HEATR4: variants seen among roughly 807,000 people sequenced by gnomAD.
The protein encoded by HEATR4 is HEAT repeat containing 4.
Under a neutral mutation model 108.8 loss-of-function variants are expected in HEATR4, and 95 were observed. That is an observed-to-expected ratio of 0.87 (90% CI 0.74 to 1.04). The LOEUF is 1.04. Ranked by LOEUF, HEATR4 falls within the 50% of genes least tolerant of loss-of-function variation. HEATR4 has a pLI of 0.00. For synonymous variants in HEATR4, 443 were observed against 459.4 expected (o/e 0.96, Z 0.46); for missense variants, 1,152 against 1,253.8 (o/e 0.92, Z 1.23).
chr14:73,563,438 T>C (rs1889558516), upstream of HEATR4, among the ~76,000 whole-genome samples: 1 of 151,372 alleles, frequency 6.6e-6, no homozygotes, highest in African/African-American at 2.4e-5. Flanking sequence ...CTACTAAAAA[T>C]AGAAAAATTA....
intron 4 of HEATR4, among the ~76,000 whole-genome samples, chr14:73,519,444 C>T (rs1424943563): frequency 6.6e-6 from 1 of 152,106 alleles, no homozygotes; most frequent in Non-Finnish European, 1.5e-5. Context: ...TGGTGATTTC[C>T]TTCCTAAGGC....
chr14:73,630,056 TA>T, the HEATR4 span, among the ~76,000 whole-genome samples: 19 of 149,066 alleles, frequency 1.3e-4, no homozygotes, highest in East Asian at 1.6e-3. Flanking sequence ...CAAAAAAATT[TA>T]AAAAAAAAAG....
chr14:73,623,846 CCT>C, the HEATR4 span, among the ~76,000 whole-genome samples: 2 of 151,990 alleles, frequency 1.3e-5, no homozygotes, highest in African/African-American at 4.8e-5. Flanking sequence ...ACTTCCTTCC[CCT>C]CTTTCCTGCT....
chr14:73,564,465 G>A, the HEATR4 span, among the ~76,000 whole-genome samples: 1 of 151,540 alleles, frequency 6.6e-6, no homozygotes, highest in Non-Finnish European at 1.5e-5. Flanking sequence ...AATTAGCCAG[G>A]TGTGGTGGTG....
chr14:73,587,836 ACTG>A, the HEATR4 span, among the ~76,000 whole-genome samples: 1 of 152,240 alleles, frequency 6.6e-6, no homozygotes. Context: ...GCAGCAAAAT[ACTG>A]CTAATGCGCT....
chr14:73,563,464 G>A (rs1252546060), upstream of HEATR4, among the ~76,000 whole-genome samples: 2 of 151,908 alleles, frequency 1.3e-5, no homozygotes, highest in African/African-American at 4.8e-5. Context: ...GTGTGGTGGT[G>A]CGTGCCTGTA....
intron 17 of HEATR4, chr14:73,491,608 C>G: frequency 6.5e-7 from 1 of 1,547,104 alleles, no homozygotes; most frequent in Non-Finnish European, 8.7e-7. Context: ...GCATCCCCAG[C>G]AGCCGGCGGC....
intron 17 of HEATR4, among the ~76,000 whole-genome samples, chr14:73,482,081 GA>G (rs1263449629): frequency 6.6e-6 from 1 of 151,986 alleles, no homozygotes; most frequent in Non-Finnish European, 1.5e-5. Context: ...GGGAGGAAAG[GA>G]GGGTTGAATA....
the HEATR4 span, among the ~76,000 whole-genome samples, chr14:73,567,347 A>G: frequency 1.3e-5 from 2 of 152,088 alleles, no homozygotes; most frequent in South Asian, 2.1e-4. Flanking sequence ...AGAGGTGAAG[A>G]CCGCTGGGCT....
At chr14:73,558,305 A>G (rs72478810) in intron 1 of HEATR4, among the ~76,000 whole-genome samples, 20,498 of 130,028 alleles carry the variant, frequency 0.16, 2,533 homozygotes, top group African/African-American at 0.27. Flanking sequence ...ACAGCTATAC[A>G]GCTATCTCCA....
chr14:73,601,737 AT>A, the HEATR4 span, among the ~76,000 whole-genome samples: 2 of 152,176 alleles, frequency 1.3e-5, no homozygotes, highest in Non-Finnish European at 2.9e-5. Flanking sequence ...CATGCTTAAC[AT>A]TGGACTTATG....
intron 7 of HEATR4, among the ~76,000 whole-genome samples, chr14:73,511,767 T>C (rs997471120): frequency 7.9e-5 from 12 of 152,134 alleles, no homozygotes; most frequent in Non-Finnish European, 1.2e-4. Flanking sequence ...TTAACTTCTC[T>C]GCAGGCCACT....
chr14:73,518,984 G>A (rs752790650), intron 5 of HEATR4, 39 bp downstream of exon 5: 38 of 1,580,184 alleles, frequency 2.4e-5, no homozygotes, highest in Admixed American at 1.2e-4. Context: ...CCACATTCCC[G>A]TTATTAACCC....
the HEATR4 span, chr14:73,592,222 A>G: frequency 6.2e-7 from 1 of 1,613,042 alleles, no homozygotes; most frequent in Non-Finnish European, 8.5e-7. Context: ...GAACCCGAGA[A>G]GCCTTTTTGG....
At chr14:73,617,060 C>A in the HEATR4 span, 2 of 1,315,802 alleles carry the variant, frequency 1.5e-6, no homozygotes, top group Middle Eastern at 2.0e-4. Context: ...ACAGGGCCAG[C>A]CTCCTGGCCG....
At chr14:73,513,879 G>A (rs2140284218) in intron 6 of HEATR4, 152 bp downstream of exon 6, 1 of 690,134 alleles carries the variant, frequency 1.4e-6, no homozygotes, top group East Asian at 2.7e-5. Context: ...AACACCCAAT[G>A]TGTGAAAGGC....
chr14:73,632,659 C>A, the HEATR4 span, among the ~76,000 whole-genome samples: 1 of 151,954 alleles, frequency 6.6e-6, no homozygotes, highest in African/African-American at 2.4e-5. Flanking sequence ...GCCTGGCCAA[C>A]ATGGTGAAAC....
At chr14:73,578,941 A>G in the HEATR4 span, among the ~76,000 whole-genome samples, 1 of 151,606 alleles carries the variant, frequency 6.6e-6, no homozygotes, top group Admixed American at 6.6e-5. Flanking sequence ...AAAAATTAGC[A>G]GGGCGTGATG....
the HEATR4 span, among the ~76,000 whole-genome samples, chr14:73,596,761 G>A: frequency 6.6e-6 from 1 of 151,952 alleles, no homozygotes; most frequent in South Asian, 2.1e-4. Flanking sequence ...ACCATGCCCG[G>A]CTAATTTTTG....
Sources: allele counts gnomAD v4.1 joint callset (sites outside exome capture counted in the v4.1 genomes callset), GRCh38; gene constraint gnomAD v4.1.1; transcripts MANE v1.5; gene names NCBI Gene and HGNC (gene_info 2026-07-23, HGNC 2026-07-21).